CNTFR: variants seen among roughly 807,000 people sequenced by gnomAD.
CNTFR encodes the protein ciliary neurotrophic factor receptor subunit alpha.
In CNTFR, 12 loss-of-function variants were observed where a neutral mutation model predicts 40.4. That is an observed-to-expected ratio of 0.30 (90% CI 0.19 to 0.48). The LOEUF (loss-of-function observed/expected upper bound fraction) is 0.48. CNTFR is among the 20% of genes least tolerant of loss of function. CNTFR has a pLI of 0.99. For missense variants in CNTFR, 414 were observed against 506.8 expected, an observed-to-expected ratio of 0.82 and a Z score of 1.76; for synonymous variants, 202 against 209.6, an observed-to-expected ratio of 0.96 and a Z score of 0.31.
rs563846748 is a variant in CNTFR at position 34,564,948 on chromosome 9, C to T, written c.86-116G>A. 171 of 814,102 alleles carry T rather than the reference C, an allele frequency of 2.1e-4. 3 individuals are homozygous for T. The highest frequency in any genetic ancestry group is 1.5e-3 in the South Asian group (93 of 62,394). 50.4% of individuals were successfully genotyped at this position (814,102 alleles called of 1,614,324 possible). On this transcript the variant is annotated intron_variant, in intron 3 of 9. Coordinates refer to ENST00000378980, the MANE Select transcript of CNTFR (RefSeq NM_147164.3). Reference sequence around the variant, plus strand: ...GATGGATGAGTGAGGACGAGAGGCTCGGTGTCTGTGTGAGTGTTTGGGGAG... The same window carrying T: ...GATGGATGAGTGAGGACGAGAGGCTTGGTGTCTGTGTGAGTGTTTGGGGAG...
intron 1 of CNTFR, among the ~76,000 whole-genome samples, chr9:34,583,788 G>A (rs1007451194): frequency 2.0e-5 from 3 of 152,042 alleles, no homozygotes; most frequent in Non-Finnish European, 4.4e-5. Flanking sequence ...TGCCAAAACC[G>A]CCTTCTCTCC....
At chr9:34,584,789 G>GACCTCTA (rs1459208714) in intron 1 of CNTFR, among the ~76,000 whole-genome samples, 1 of 152,180 alleles carries the variant, frequency 6.6e-6, no homozygotes, top group Non-Finnish European at 1.5e-5. Flanking sequence ...GATGACCTCT[G>GACCTCTA]ACCTCTGCCA....
chr9:34,576,483 C>A (rs899136319), intron 2 of CNTFR, among the ~76,000 whole-genome samples: 3 of 152,222 alleles, frequency 2.0e-5, no homozygotes, highest in African/African-American at 7.2e-5. Context: ...CCACACTGTG[C>A]CAGCACCTCA....
At position 34,568,933 on chromosome 9, in the gene CNTFR, C is replaced by T. The variant is rs933732260; in HGVS notation, c.49G>A (p.Ala17Thr). Residue 17 changes from alanine (A) to threonine (T), a missense_variant, in exon 3 of 10, where the codon GCC (alanine) becomes ACC (threonine). Coordinates refer to ENST00000378980, the MANE Select transcript of CNTFR (RefSeq NM_147164.3). ...WACCAVLAAAAAVVYAQRHSP... is the reference protein window; with the variant it reads ...WACCAVLAAATAVVYAQRHSP... Reference sequence around the variant, plus strand: ...TGTCTCTGGGCGTAGACAACTGCGGCGGCGGCGGCAAGCACAGCACAGCAG... The same window carrying T: ...TGTCTCTGGGCGTAGACAACTGCGGTGGCGGCGGCAAGCACAGCACAGCAG... The T allele has an allele frequency of 8.1e-6, 13 of 1,600,588 alleles. No homozygotes were observed. The highest frequency in any genetic ancestry group is 1.6e-4 in the Middle Eastern group (1 of 6,068).
chr9:34,564,448 A>T (rs1301854122), intron 4 of CNTFR, 151 bp downstream of exon 4: 23 of 748,612 alleles, frequency 3.1e-5, no homozygotes, highest in African/African-American at 5.2e-5. Context: ...AGAGGCCAGA[A>T]GAGCGGGCCA....
At chr9:34,565,432 C>T (rs1826244748) in intron 3 of CNTFR, among the ~76,000 whole-genome samples, 1 of 152,108 alleles carries the variant, frequency 6.6e-6, no homozygotes, top group South Asian at 2.1e-4. Flanking sequence ...AGCCTGCCAC[C>T]CCACAACAAC....
chr9:34,586,531 G>A (rs895275188), intron 1 of CNTFR, among the ~76,000 whole-genome samples: 18 of 152,190 alleles, frequency 1.2e-4, no homozygotes, highest in African/African-American at 3.9e-4. Context: ...AGATGTGTGT[G>A]TGTATGGGGC....
intron 2 of CNTFR, among the ~76,000 whole-genome samples, chr9:34,576,001 A>T (rs936549540): frequency 1.3e-5 from 2 of 151,952 alleles, no homozygotes; most frequent in Non-Finnish European, 2.9e-5. Flanking sequence ...GTACGTGCAC[A>T]CACGTGCTCA....
intron 7 of CNTFR, among the ~76,000 whole-genome samples, chr9:34,556,047 C>T (rs1366219258): frequency 2.6e-5 from 4 of 151,344 alleles, no homozygotes; most frequent in Non-Finnish European, 5.9e-5. Flanking sequence ...TATGTGTTCC[C>T]GCTGCACTAA....
chr9:34,567,360 T>G (rs1022627364), intron 3 of CNTFR, among the ~76,000 whole-genome samples: 9 of 152,060 alleles, frequency 5.9e-5, no homozygotes, highest in Non-Finnish European at 1.3e-4. Flanking sequence ...GGGGACCACA[T>G]GTCAGAAACA....
intron 2 of CNTFR, among the ~76,000 whole-genome samples, chr9:34,575,105 C>G (rs1047873113): frequency 4.6e-5 from 7 of 152,226 alleles, no homozygotes; most frequent in Non-Finnish European, 1.5e-5. Flanking sequence ...AGCCCCCTGC[C>G]TCTTGAATGG....
intron 2 of CNTFR, among the ~76,000 whole-genome samples, chr9:34,571,053 A>G (rs1239703684): frequency 6.6e-6 from 1 of 151,172 alleles, no homozygotes; most frequent in African/African-American, 2.4e-5. Context: ...CGCATCAGTG[A>G]CTCCTGGAGC....
chr9:34,565,209 C>A (rs1256385135), intron 3 of CNTFR, among the ~76,000 whole-genome samples: 4 of 152,178 alleles, frequency 2.6e-5, no homozygotes, highest in South Asian at 2.1e-4. Flanking sequence ...ACCCCCATGA[C>A]CCGGATCTCT....
chr9:34,584,441 T>C (rs941838605), intron 1 of CNTFR, among the ~76,000 whole-genome samples: 1 of 152,230 alleles, frequency 6.6e-6, no homozygotes, highest in South Asian at 2.1e-4. Context: ...CTGACCAAGA[T>C]GCAGCCACTG....
chr9:34,577,586 GAT>G (rs10557396), intron 2 of CNTFR, among the ~76,000 whole-genome samples: 86,748 of 151,800 alleles, frequency 0.57, 24,980 homozygotes, highest in Non-Finnish European at 0.6. Context: ...AGAAAAGAAA[GAT>G]ATCAGGAGCT....
At chr9:34,561,267 C>A (rs1826064545) in intron 4 of CNTFR, among the ~76,000 whole-genome samples, 1 of 152,214 alleles carries the variant, frequency 6.6e-6, no homozygotes, top group Non-Finnish European at 1.5e-5. Flanking sequence ...AACAGGGCTG[C>A]AGGGAAAGCA....
chr9:34,562,770 T>C (rs570272119), intron 4 of CNTFR, among the ~76,000 whole-genome samples: 47 of 152,340 alleles, frequency 3.1e-4, no homozygotes, highest in Admixed American at 8.5e-4. Context: ...ATTCACTCTG[T>C]TGGTGGGTAC....
At chr9:34,580,839 C>T (rs1486231608) in intron 2 of CNTFR, among the ~76,000 whole-genome samples, 1 of 152,186 alleles carries the variant, frequency 6.6e-6, no homozygotes, top group Non-Finnish European at 1.5e-5. Flanking sequence ...CTCAGCACCC[C>T]CTTAGTATAG....
At chr9:34,553,631 G>A (rs1037356732) in intron 7 of CNTFR, among the ~76,000 whole-genome samples, 2 of 152,182 alleles carry the variant, frequency 1.3e-5, no homozygotes, top group Non-Finnish European at 2.9e-5. Context: ...GTGGGGGACA[G>A]CCCCTGGAGC....
Sources: gnomAD v4.1 joint callset for allele counts (sites outside exome capture counted in the v4.1 genomes callset) on GRCh38, gnomAD v4.1.1 for gene constraint, MANE v1.5 for transcripts, NCBI Gene and HGNC (gene_info 2026-07-23, HGNC 2026-07-21) for gene names.